Variants in HEPH observed in about 807,000 individuals in gnomAD.
HEPH encodes the protein hephaestin.
A neutral mutation model predicts 80.8 loss-of-function variants in HEPH; 69 were observed. That is an observed-to-expected ratio of 0.85 (90% CI 0.70 to 1.04). The LOEUF (loss-of-function observed/expected upper bound fraction) is 1.04. HEPH is among the 50% of genes least tolerant of loss of function. HEPH has a pLI of 0.00. For synonymous variants in HEPH, 431 were observed against 322.8 expected (o/e 1.34, Z -3.60); for missense variants, 1,115 against 891.3 (o/e 1.25, Z -3.20).
chrX:66,211,804 G>A (rs190917470), intron 15 of HEPH, among the ~76,000 whole-genome samples: 20 of 111,781 alleles, frequency 1.8e-4, no homozygotes, highest in Admixed American at 5.7e-4. Context: ...AAATATATAA[G>A]TGCAGGTATT....
intron 15 of HEPH, among the ~76,000 whole-genome samples, chrX:66,225,615 G>A (rs1090832): frequency 0.21 from 23,998 of 111,626 alleles, 2,055 homozygotes; most frequent in African/African-American, 0.3. Flanking sequence ...TTTCCTTCCC[G>A]GTGTTCAGCC....
At chrX:66,262,935 T>C (rs2091414814) in intron 19 of HEPH, among the ~76,000 whole-genome samples, 1 of 110,953 alleles carries the variant, frequency 9.0e-6, no homozygotes, top group African/African-American at 3.3e-5. Context: ...ATGGGAGTGG[T>C]TGGTAGAATT....
At chrX:66,221,901 G>T (rs2089665630) in intron 15 of HEPH, among the ~76,000 whole-genome samples, 1 of 112,366 alleles carries the variant, frequency 8.9e-6, no homozygotes, top group South Asian at 3.7e-4. Context: ...CTAAATGGAT[G>T]TGAGAGTCAA....
At position 66,188,480 on chromosome X, in the gene HEPH, C is replaced by G. The variant is rs755946905; in HGVS notation, c.747C>G (p.Cys249Trp). ...TCAATGAGAACATTGCCACTTACTGCTCAGATCCTGCTTCAGTGGACAAAG... is the reference window on the plus strand; with the variant it reads ...TCAATGAGAACATTGCCACTTACTGGTCAGATCCTGCTTCAGTGGACAAAG... ...WHLNENIATY[C>W]SDPASVDKED... Residue 249 changes from cysteine (C) to tryptophan (W), a missense_variant, in exon 5 of 21, where the codon TGC (cysteine) becomes TGG (tryptophan). Transcript: ENST00000343002. 1 of 1,208,881 alleles carries G rather than the reference C, an allele frequency of 8.3e-7. No individual in the cohort carries two copies. The highest frequency in any genetic ancestry group is 1.1e-6 in the Non-Finnish European group (1 of 894,498).
At chrX:66,212,672 G>C (rs1370088818) in intron 15 of HEPH, among the ~76,000 whole-genome samples, 1 of 111,513 alleles carries the variant, frequency 9.0e-6, no homozygotes, top group East Asian at 2.8e-4. Flanking sequence ...TGTTTCATTG[G>C]TCTATTTGTC....
chrX:66,260,712 T>A (rs2091333554), intron 19 of HEPH, among the ~76,000 whole-genome samples: 2 of 112,280 alleles, frequency 1.8e-5, no homozygotes, highest in African/African-American at 6.5e-5. Context: ...ATTCTAATAG[T>A]CACCCATTAA....
chrX:66,230,492 A>G (rs1385421541), intron 15 of HEPH, among the ~76,000 whole-genome samples: 1 of 108,417 alleles, frequency 9.2e-6, no homozygotes, highest in Non-Finnish European at 1.9e-5. Context: ...ATGGTATCTC[A>G]TAGTGGTTTT....
chrX:66,221,890 T>C (rs1034343077), intron 15 of HEPH, among the ~76,000 whole-genome samples: 1 of 112,444 alleles, frequency 8.9e-6, no homozygotes, highest in Non-Finnish European at 1.9e-5. Flanking sequence ...TCCAATTGCA[T>C]CTAAATGGAT....
chrX:66,245,912 A>G (rs757837811), intron 15 of HEPH, among the ~76,000 whole-genome samples: 1 of 112,368 alleles, frequency 8.9e-6, no homozygotes, highest in South Asian at 3.7e-4. Flanking sequence ...ACTCCCTCTG[A>G]TTACTGTCTC....
At chrX:66,180,561 C>A (rs1406053111) in intron 4 of HEPH, among the ~76,000 whole-genome samples, 11 of 105,582 alleles carry the variant, frequency 1.0e-4, no homozygotes. Context: ...TTTGTCTTAA[C>A]TTTAGATAAC....
At chrX:66,199,378 C>T (rs2088297105) in intron 11 of HEPH, among the ~76,000 whole-genome samples, 1 of 110,208 alleles carries the variant, frequency 9.1e-6, no homozygotes. Flanking sequence ...CCCCATACTC[C>T]AGCCAACTGG....
intron 15 of HEPH, among the ~76,000 whole-genome samples, chrX:66,230,875 G>T (rs1439470452): frequency 1.0e-5 from 1 of 97,347 alleles, no homozygotes; most frequent in Non-Finnish European, 2.1e-5. Flanking sequence ...GAATGGTAAT[G>T]CCTAGGTTTT....
At chrX:66,199,551 C>T (rs772569809) in intron 11 of HEPH, among the ~76,000 whole-genome samples, 10 of 111,851 alleles carry the variant, frequency 8.9e-5, no homozygotes, top group East Asian at 2.8e-4. Context: ...ATTTACTGAG[C>T]GCCTAATTGG....
chrX:66,188,896 T>C (rs1178098802), intron 5 of HEPH, among the ~76,000 whole-genome samples: 1 of 112,487 alleles, frequency 8.9e-6, no homozygotes, highest in Non-Finnish European at 1.9e-5. Flanking sequence ...TTAATCAATA[T>C]TGATTTGTTT....
At chrX:66,246,936 G>A (rs1466747831) in intron 15 of HEPH, among the ~76,000 whole-genome samples, 5 of 111,790 alleles carry the variant, frequency 4.5e-5, no homozygotes, top group African/African-American at 1.3e-4. Context: ...GGGTCATTTT[G>A]TCAAATATAG....
chrX:66,220,058 G>T (rs1002678046), intron 15 of HEPH, among the ~76,000 whole-genome samples: 1 of 111,333 alleles, frequency 9.0e-6, no homozygotes, highest in African/African-American at 3.3e-5. Flanking sequence ...ATACAGTATT[G>T]TCTAATGATT....
chrX:66,263,080 G>A (rs946670702), intron 19 of HEPH, among the ~76,000 whole-genome samples: 1 of 111,244 alleles, frequency 9.0e-6, no homozygotes, highest in Non-Finnish European at 1.9e-5. Context: ...CATAAATGAA[G>A]AGAACTGCTA....
At chrX:66,258,337 G>T (rs1040809448) in intron 17 of HEPH, among the ~76,000 whole-genome samples, 14 of 111,601 alleles carry the variant, frequency 1.3e-4, no homozygotes, top group African/African-American at 3.9e-4. Flanking sequence ...AAGTCTTTCT[G>T]GGGGAGTGAA....
chrX:66,251,640 G>T (rs2091010081), intron 15 of HEPH, among the ~76,000 whole-genome samples: 1 of 111,331 alleles, frequency 9.0e-6, no homozygotes, highest in South Asian at 3.8e-4. Flanking sequence ...GCTCTCTGAG[G>T]AAATTATATT....
Sources: gnomAD v4.1 joint callset for allele counts (sites outside exome capture counted in the v4.1 genomes callset) on GRCh38, gnomAD v4.1.1 for gene constraint, MANE v1.5 for transcripts, NCBI Gene and HGNC (gene_info 2026-07-23, HGNC 2026-07-21) for gene names.